Variants in IRF2 observed in about 807,000 individuals in gnomAD.
IRF2 encodes interferon regulatory factor 2.
IRF2 carries 15 observed loss-of-function variants against 40.6 expected under a neutral mutation model. That is an observed-to-expected ratio of 0.37 (90% CI 0.25 to 0.57). IRF2 has a LOEUF of 0.57. Among genes scored for constraint, IRF2 ranks in the 20% least tolerant of loss-of-function variants. IRF2 has a pLI of 0.77. For missense variants in IRF2, 317 were observed against 455.7 expected (o/e 0.70, Z 2.77); for synonymous variants, 151 against 165.5 (o/e 0.91, Z 0.67).
chr4:184,452,070 C>T (rs1331354692), intron 1 of IRF2, among the ~76,000 whole-genome samples: 11 of 152,196 alleles, frequency 7.2e-5, no homozygotes, highest in South Asian at 2.1e-4. Flanking sequence ...GAAATCCCTA[C>T]ACAATCTCTG....
At chr4:184,444,164 C>T (rs1238629259) in intron 1 of IRF2, among the ~76,000 whole-genome samples, 3 of 152,108 alleles carry the variant, frequency 2.0e-5, no homozygotes, top group Admixed American at 1.3e-4. Flanking sequence ...TGGCTAGTGA[C>T]GCTTTTTTAT....
At chr4:184,418,074 C>A in intron 5 of IRF2, 93 bp downstream of exon 5, 4 of 905,260 alleles carry the variant, frequency 4.4e-6, no homozygotes, top group Non-Finnish European at 7.4e-6. Context: ...AAAGAGGACA[C>A]ACTGAGGTCC....
In IRF2 at chr4:184,442,881, TGTGGGG is replaced by T. The variant is rs1196930307; in HGVS notation, c.-6-13817_-6-13812del. Reference sequence around the variant, plus strand: ...TCTCTTGGTCTTCAGAAGATAACTTTGTGGGGGTGGGGGTGGGGGTGGTGGGGGCAG... The same window carrying T: ...TCTCTTGGTCTTCAGAAGATAACTTTGTGGGGGTGGGGGTGGTGGGGGCAG... On this transcript the variant is annotated intron_variant, in intron 1 of 8. Coordinates refer to ENST00000393593, the MANE Select transcript of IRF2 (RefSeq NM_002199.4). 1.3e-3 allele frequency among the ~76,000 whole-genome samples: 10 copies of T among 7,416 alleles called. No homozygotes were observed. In the East Asian group the frequency reaches 0.022, roughly 16 times the overall value. 4.9% of individuals were successfully genotyped at this position (7,416 alleles called of 152,430 possible).
chr4:184,395,595 C>T (rs1342176421), intron 7 of IRF2, among the ~76,000 whole-genome samples: 4 of 152,144 alleles, frequency 2.6e-5, no homozygotes, highest in East Asian at 1.9e-4. Context: ...CAATTTCTGA[C>T]GGAGGAACTA....
chr4:184,466,425 T>C (rs1033694554), intron 1 of IRF2, among the ~76,000 whole-genome samples: 3 of 152,236 alleles, frequency 2.0e-5, no homozygotes, highest in African/African-American at 7.2e-5. Context: ...CCTCCCACAA[T>C]CTCAATAGCA....
intron 7 of IRF2, among the ~76,000 whole-genome samples, chr4:184,397,139 A>C (rs7691305): frequency 0.18 from 27,531 of 152,250 alleles, 2,587 homozygotes; most frequent in Middle Eastern, 0.24. Context: ...CCTGTTTGAC[A>C]GATTATAATC....
intron 7 of IRF2, among the ~76,000 whole-genome samples, chr4:184,391,769 A>G (rs1245217277): frequency 6.6e-6 from 1 of 152,236 alleles, no homozygotes; most frequent in Non-Finnish European, 1.5e-5. Context: ...TTGTGGCTGC[A>G]TGGCTATGGC....
rs542573437 is a variant in IRF2 at position 184,431,339 on chromosome 4, A to T, written c.-6-2269T>A. Among the ~76,000 whole-genome samples, 20 of 152,328 alleles carry T rather than the reference A, an allele frequency of 1.3e-4. No individual in the cohort carries two copies. The South Asian group carries it at 3.9e-3, about 30-fold the overall frequency. On this transcript the variant is annotated intron_variant, in intron 1 of 8. Transcript: ENST00000393593. ...GATGCTCCAGGAACAGGGAAAGATG[A>T]CATTCCCTGCCATCTAGGAACTCCC...
intron 2 of IRF2, among the ~76,000 whole-genome samples, chr4:184,425,435 T>G (rs1236647032): frequency 6.6e-6 from 1 of 152,242 alleles, no homozygotes; most frequent in Non-Finnish European, 1.5e-5. Flanking sequence ...GCACGAGCAA[T>G]GCCACGTGCC....
rs542722696 is a variant in IRF2 at position 184,432,395 on chromosome 4, G to C, written c.-6-3325C>G. On this transcript the variant is annotated intron_variant, in intron 1 of 8. Coordinates refer to ENST00000393593, the MANE Select transcript of IRF2 (RefSeq NM_002199.4). Reference sequence around the variant, plus strand: ...AGTGCGACATTTGTCACATCGTTGTGCTTTTTTTGGTGACTTTGCTGTTTA... The same window carrying C: ...AGTGCGACATTTGTCACATCGTTGTCCTTTTTTTGGTGACTTTGCTGTTTA... Among the ~76,000 whole-genome samples the C allele has an allele frequency of 4.6e-5, 7 of 152,324 alleles. No homozygotes were observed. The South Asian group carries it at 1.0e-3, about 23-fold the overall frequency.
intron 6 of IRF2, chr4:184,407,077 G>T: frequency 6.7e-6 from 4 of 600,358 alleles, no homozygotes; most frequent in South Asian, 4.6e-5. Flanking sequence ...AACACAACAG[G>T]GTTATAGAGC....
intron 1 of IRF2, among the ~76,000 whole-genome samples, chr4:184,464,132 A>T (rs1311933530): frequency 6.6e-6 from 1 of 152,212 alleles, no homozygotes; most frequent in Non-Finnish European, 1.5e-5. Flanking sequence ...ATATGAAGAC[A>T]GCGACCATTT....
At chr4:184,396,610 A>AT (rs1264995798) in intron 7 of IRF2, among the ~76,000 whole-genome samples, 1 of 150,508 alleles carries the variant, frequency 6.6e-6, no homozygotes, top group Non-Finnish European at 1.5e-5. Flanking sequence ...AACTTTTTTT[A>AT]TTTTTTGTAG....
intron 6 of IRF2, among the ~76,000 whole-genome samples, chr4:184,401,902 G>C (rs759010739): frequency 1.3e-5 from 2 of 152,182 alleles, no homozygotes; most frequent in African/African-American, 2.4e-5. Context: ...AGCCAGCTGG[G>C]ACTACAAACA....
At chr4:184,442,978 T>C (rs1244433774) in intron 1 of IRF2, among the ~76,000 whole-genome samples, 1 of 151,888 alleles carries the variant, frequency 6.6e-6, no homozygotes, top group Non-Finnish European at 1.5e-5. Context: ...CAGGCTGGAG[T>C]GCAATGGCAC....
chr4:184,429,051 C>T lies in IRF2; in HGVS notation c.14G>A (p.Arg5Lys). MPVE[R>K]MRMRPWLEEQ... ...CTCCAGCCACGGGCGCATGCGCATC[C>T]TTTCCACCGGCATGGTGCCCTTGAG... The change falls in exon 2 of 9, where the codon AGG (arginine) becomes AAG (lysine). Residue 5 changes from arginine (R) to lysine (K), a missense_variant. Transcript: ENST00000393593. 1 of 1,614,044 alleles carries T rather than the reference C, an allele frequency of 6.2e-7. No homozygotes were observed. The highest frequency in any genetic ancestry group is 8.5e-7 in the Non-Finnish European group (1 of 1,179,896).
intron 1 of IRF2, among the ~76,000 whole-genome samples, chr4:184,470,546 T>G (rs1444575180): frequency 1.3e-5 from 2 of 151,936 alleles, no homozygotes; most frequent in African/African-American, 4.8e-5. Context: ...CCAGGCATGG[T>G]AGCGCACGCC....
Position 184,397,858 on chromosome 4 carries a change from A to G in IRF2, c.694+1057T>C, listed in dbSNP as rs1252917902. On this transcript the variant is annotated intron_variant, in intron 7 of 8. Transcript: ENST00000393593. ...ACAAAATTCAATGGAGATCATCAGG[A>G]AGAGAGGAGAAGATGAAGTAATGTT... Among the ~76,000 whole-genome samples, 3 of 152,232 alleles carry G rather than the reference A, an allele frequency of 2.0e-5. 1 individual carries two copies. The highest frequency in any genetic ancestry group is 4.4e-5 in the Non-Finnish European group (3 of 68,038).
At chr4:184,470,783 T>C (rs1165312807) in intron 1 of IRF2, among the ~76,000 whole-genome samples, 3 of 151,872 alleles carry the variant, frequency 2.0e-5, no homozygotes, top group Non-Finnish European at 4.4e-5. Context: ...AATGAAGAAG[T>C]TGACACGAGA....
Sources: gnomAD v4.1 joint callset for allele counts (sites outside exome capture counted in the v4.1 genomes callset) on GRCh38, gnomAD v4.1.1 for gene constraint, MANE v1.5 for transcripts, NCBI Gene and HGNC (gene_info 2026-07-23, HGNC 2026-07-21) for gene names.